DNAH6: variants seen among roughly 807,000 people sequenced by gnomAD.
DNAH6 encodes dynein axonemal heavy chain 6, also known as axonemal beta dynein heavy chain 6.
DNAH6 carries 340 observed loss-of-function variants against 491.4 expected under a neutral mutation model. The ratio of observed to expected loss-of-function variants is 0.69; its 90% CI spans 0.63 to 0.76. The LOEUF is 0.76. Ranked by LOEUF, DNAH6 falls within the 30% of genes least tolerant of loss-of-function variation. The probability of loss-of-function intolerance (pLI) is 0.00; values close to 1 mark genes in which losing one functional copy is unlikely to be tolerated. For synonymous variants in DNAH6, 1,603 were observed against 1,686.1 expected (o/e 0.95, Z 1.21); for missense variants, 4,443 against 4,972.2 (o/e 0.89, Z 3.20).
chr2:84,703,619 T>C, intron 50 of DNAH6, 57 bp downstream of exon 50: 8 of 1,362,748 alleles, frequency 5.9e-6, no homozygotes, highest in African/African-American at 1.5e-5. Flanking sequence ...TGATCACTTA[T>C]ATATAATGAG....
Position 84,681,507 on chromosome 2 carries a change from G to A in DNAH6, c.6895G>A (p.Asp2299Asn), listed in dbSNP as rs986526331. The change falls in exon 42 of 77, where the codon GAC (aspartate) becomes AAC (asparagine). Residue 2299 changes from aspartate (D) to asparagine (N), a missense_variant. Coordinates refer to ENST00000389394, the MANE Select transcript of DNAH6 (RefSeq NM_001370.2). ...AKSHYVFNLR[D>N]LSKCVQGILQ... Reference sequence around the variant, plus strand: ...GTCCCATTATGTCTTTAACTTGAGGGACTTATCCAAATGTGTGCAAGGTAG... The same window carrying A: ...GTCCCATTATGTCTTTAACTTGAGGAACTTATCCAAATGTGTGCAAGGTAG... The A allele has an allele frequency of 7.4e-5, 115 of 1,548,414 alleles. No homozygotes were observed. The highest frequency in any genetic ancestry group is 9.9e-5 in the Non-Finnish European group (114 of 1,145,804).
chr2:84,508,982 T>C, the DNAH6 span, among the ~76,000 whole-genome samples: 1 of 152,228 alleles, frequency 6.6e-6, no homozygotes, highest in Admixed American at 6.5e-5. Flanking sequence ...AGTGCTTTAC[T>C]TCCTACTATG....
At chr2:84,528,598 C>T (rs907139145) in intron 3 of DNAH6, among the ~76,000 whole-genome samples, 26 of 152,128 alleles carry the variant, frequency 1.7e-4, no homozygotes, top group African/African-American at 5.5e-4. Context: ...AGAGGGCTCC[C>T]ATGGACATCA....
chr2:84,683,305 A>C (rs1167811997), intron 42 of DNAH6, among the ~76,000 whole-genome samples: 2 of 152,080 alleles, frequency 1.3e-5, no homozygotes, highest in East Asian at 3.9e-4. Flanking sequence ...AGATGAATAA[A>C]CAAGTCTCCC....
Position 84,701,335 on chromosome 2 carries a change from T to C in DNAH6, c.8057T>C (p.Ile2686Thr). 2 of 1,547,884 alleles carry C rather than the reference T, an allele frequency of 1.3e-6. No homozygotes were observed. Among genetic ancestry groups the C allele is most frequent in the Non-Finnish European group, 1.7e-6 (2 of 1,144,292 alleles). ...CTGTCTGAAAAAAGGAAGCAGATTA[T>C]TTCAGTAGGTTCAATATTATCCATG... ...SMLSEKRKQI[I>T]SARDRVKNGL... is the part of the protein sequence containing the mutation. The change falls in exon 49 of 77, where the codon ATT becomes ACT. Residue 2686 changes from isoleucine to threonine, a missense_variant. Ile to Thr is a moderately conservative substitution (Grantham distance 89). Around this residue, in one of 3 missense-constraint regions of DNAH6, gnomAD observed 2,977 missense variants for 3,296.6 expected, o/e 0.90. Transcript: ENST00000389394.
At chr2:84,816,147 C>A in intron 76 of DNAH6, 64 bp downstream of exon 76, 1 of 1,323,650 alleles carries the variant, frequency 7.6e-7, no homozygotes, top group South Asian at 1.4e-5. Flanking sequence ...AAAGTCCAAA[C>A]ACTAAGCTGT....
At chr2:84,810,243 CA>C (rs1679833507) in intron 72 of DNAH6, among the ~76,000 whole-genome samples, 1 of 152,116 alleles carries the variant, frequency 6.6e-6, no homozygotes, top group African/African-American at 2.4e-5. Context: ...GCTACTCTAA[CA>C]AAGAATTTCT....
chr2:84,474,081 C>A, the DNAH6 span, among the ~76,000 whole-genome samples: 1 of 151,838 alleles, frequency 6.6e-6, no homozygotes, highest in East Asian at 1.9e-4. Flanking sequence ...TAATCTTGGG[C>A]AGCTAAAGGA....
the DNAH6 span, among the ~76,000 whole-genome samples, chr2:84,471,836 A>G: frequency 6.6e-6 from 1 of 152,212 alleles, no homozygotes; most frequent in African/African-American, 2.4e-5. Context: ...ACCCCTTCTA[A>G]CAGAAGGCAC....
At chr2:84,614,058 G>A (rs913678612) in intron 22 of DNAH6, among the ~76,000 whole-genome samples, 4 of 151,564 alleles carry the variant, frequency 2.6e-5, no homozygotes, top group South Asian at 2.1e-4. Flanking sequence ...AGGTTTGGGG[G>A]AAACAGGTGG....
At chr2:84,526,865 G>A (rs1319177667) in intron 3 of DNAH6, among the ~76,000 whole-genome samples, 2 of 152,118 alleles carry the variant, frequency 1.3e-5, no homozygotes, top group Non-Finnish European at 2.9e-5. Flanking sequence ...CATAAAGAGG[G>A]CTTCAAAAAT....
At chr2:84,628,125 G>T (rs1688050626) in intron 29 of DNAH6, among the ~76,000 whole-genome samples, 1 of 152,142 alleles carries the variant, frequency 6.6e-6, no homozygotes. Context: ...ATCACCCCTA[G>T]ATTCGTGAGC....
At chr2:84,598,187 CT>C (rs57410834) in intron 18 of DNAH6, among the ~76,000 whole-genome samples, 60 of 22,982 alleles carry the variant, frequency 2.6e-3, no homozygotes, top group South Asian at 6.3e-3. Context: ...TTCTCTCTTT[CT>C]TTTCTTTCTT....
chr2:84,716,706 A>G (rs1319355453), intron 58 of DNAH6, among the ~76,000 whole-genome samples: 1 of 152,174 alleles, frequency 6.6e-6, no homozygotes, highest in African/African-American at 2.4e-5. Flanking sequence ...CAGCTGTGTC[A>G]CTAAGCTCCC....
At chr2:84,487,186 A>G in the DNAH6 span, among the ~76,000 whole-genome samples, 3 of 152,220 alleles carry the variant, frequency 2.0e-5, no homozygotes, top group African/African-American at 7.2e-5. Context: ...AGACTTTTAA[A>G]AGTACAATTT....
chr2:84,506,343 T>C, the DNAH6 span, among the ~76,000 whole-genome samples: 1 of 152,228 alleles, frequency 6.6e-6, no homozygotes, highest in Non-Finnish European at 1.5e-5. Flanking sequence ...TTTCGTGTGT[T>C]TTTTGGCTGC....
the DNAH6 span, among the ~76,000 whole-genome samples, chr2:84,470,088 C>T: frequency 2.0e-5 from 3 of 152,126 alleles, no homozygotes; most frequent in Non-Finnish European, 4.4e-5. Context: ...GTCAGCCAGT[C>T]GGTGCATGCA....
At chr2:84,752,721 T>C (rs1185723901) in intron 63 of DNAH6, among the ~76,000 whole-genome samples, 1 of 152,034 alleles carries the variant, frequency 6.6e-6, no homozygotes, top group African/African-American at 2.4e-5. Context: ...AAGATTCGTC[T>C]CTGTTGTATC....
At chr2:84,739,189 T>G (rs1672283751) in intron 62 of DNAH6, among the ~76,000 whole-genome samples, 1 of 152,228 alleles carries the variant, frequency 6.6e-6, no homozygotes, top group African/African-American at 2.4e-5. Flanking sequence ...GTAAGGTTTG[T>G]GCTGAAAAGT....
Sources: gnomAD v4.1 joint callset for allele counts (sites outside exome capture counted in the v4.1 genomes callset) on GRCh38, gnomAD v4.1.1 for gene constraint, gnomAD v4.1.1 regional missense constraint, MANE v1.5 for transcripts, NCBI Gene and HGNC (gene_info 2026-07-23, HGNC 2026-07-21) for gene names.